Variants in MAML2 observed in about 807,000 individuals in gnomAD.
MAML2 encodes mastermind like transcriptional coactivator 2.
MAML2 carries 22 observed loss-of-function variants against 96.1 expected under a neutral mutation model. The ratio of observed to expected loss-of-function variants is 0.23; its 90% CI spans 0.16 to 0.33. The LOEUF (loss-of-function observed/expected upper bound fraction) is 0.33, where lower values mean the gene tolerates loss of function less well. Ranked by LOEUF, MAML2 falls within the 10% of genes least tolerant of loss-of-function variation. The pLI, the probability that MAML2 is intolerant of heterozygous loss-of-function variation, is 1.00. For synonymous variants in MAML2, 561 were observed against 521.3 expected, an observed-to-expected ratio of 1.08 and a Z score of -1.04; for missense variants, 1,367 against 1,392.4, an observed-to-expected ratio of 0.98 and a Z score of 0.29.
intron 1 of MAML2, among the ~76,000 whole-genome samples, chr11:96,274,752 T>C (rs1260370082): frequency 6.6e-6 from 1 of 152,174 alleles, no homozygotes; most frequent in Non-Finnish European, 1.5e-5. Flanking sequence ...CTCTTTTATA[T>C]CTGGATTAGA....
chr11:96,057,273 G>T (rs904241518), intron 2 of MAML2, among the ~76,000 whole-genome samples: 1 of 152,052 alleles, frequency 6.6e-6, no homozygotes, highest in Non-Finnish European at 1.5e-5. Context: ...AAGCCATTTC[G>T]TTCCTGATTT....
intron 1 of MAML2, among the ~76,000 whole-genome samples, chr11:96,198,912 T>G (rs1387556450): frequency 6.6e-6 from 1 of 151,960 alleles, no homozygotes; most frequent in East Asian, 1.9e-4. Context: ...AGAGGGGTAG[T>G]CCTGGCTGGG....
intron 1 of MAML2, among the ~76,000 whole-genome samples, chr11:96,300,983 G>C (rs915039560): frequency 2.0e-5 from 3 of 152,188 alleles, no homozygotes; most frequent in African/African-American, 7.2e-5. Context: ...AGACAATTTT[G>C]AGGATGAAAT....
At chr11:96,190,349 G>A (rs1319250010) in intron 1 of MAML2, among the ~76,000 whole-genome samples, 1 of 152,222 alleles carries the variant, frequency 6.6e-6, no homozygotes, top group Non-Finnish European at 1.5e-5. Context: ...GAAGGTTAAT[G>A]AGGGGAAGAA....
At chr11:96,259,425 C>G (rs1024459189) in intron 1 of MAML2, among the ~76,000 whole-genome samples, 1 of 152,186 alleles carries the variant, frequency 6.6e-6, no homozygotes, top group East Asian at 1.9e-4. Flanking sequence ...ATCTCAATAA[C>G]CCTTTAAAGT....
In MAML2 at chr11:96,038,155, G is replaced by A. The variant is rs532012730; in HGVS notation, c.2140-46432C>T. On this transcript the variant is annotated intron_variant, in intron 2 of 4. Transcript: ENST00000524717. ...ATGCTCCACCAAATTGAATTCTATG[G>A]AATTTTACTGTCTTGTGCATTAGTA... 1.1e-4 allele frequency among the ~76,000 whole-genome samples: 17 copies of A among 152,268 alleles called. 1 individual carries two copies. The South Asian group carries it at 3.3e-3, about 30-fold the overall frequency.
chr11:96,230,005 GT>G (rs1481689331), intron 1 of MAML2, among the ~76,000 whole-genome samples: 2 of 152,152 alleles, frequency 1.3e-5, no homozygotes, highest in Non-Finnish European at 2.9e-5. Context: ...CAGTTGTTAA[GT>G]TTTCAGAATT....
intron 1 of MAML2, among the ~76,000 whole-genome samples, chr11:96,106,660 T>A (rs996649252): frequency 3.3e-5 from 5 of 152,162 alleles, no homozygotes; most frequent in African/African-American, 1.2e-4. Context: ...ACTCAGTGAG[T>A]CCCTAATCCT....
chr11:96,177,241 G>A (rs1861400829), intron 1 of MAML2, among the ~76,000 whole-genome samples: 1 of 152,092 alleles, frequency 6.6e-6, no homozygotes, highest in Admixed American at 6.6e-5. Flanking sequence ...GGCCCTTTGA[G>A]GATTATGAAT....
chr11:96,208,596 A>G (rs1436184890), intron 1 of MAML2, among the ~76,000 whole-genome samples: 2 of 152,238 alleles, frequency 1.3e-5, no homozygotes, highest in African/African-American at 2.4e-5. Context: ...ATATTAAATG[A>G]GATGAATTTT....
At chr11:96,034,438 A>T (rs1288465403) in intron 2 of MAML2, among the ~76,000 whole-genome samples, 75 of 125,986 alleles carry the variant, frequency 6.0e-4, no homozygotes, top group African/African-American at 2.1e-3. Flanking sequence ...TGTGTGAGAG[A>T]GAGAGAGAGA....
chr11:96,033,619 G>A (rs1858653017), intron 2 of MAML2, among the ~76,000 whole-genome samples: 1 of 152,172 alleles, frequency 6.6e-6, no homozygotes, highest in Non-Finnish European at 1.5e-5. Context: ...GATTAATTTT[G>A]TTTTGGATGG....
chr11:96,203,915 C>T (rs766650262), intron 1 of MAML2, among the ~76,000 whole-genome samples: 5 of 152,150 alleles, frequency 3.3e-5, no homozygotes, highest in African/African-American at 1.2e-4. Context: ...TTAGTGAGTG[C>T]TCTCACAGGA....
intron 2 of MAML2, among the ~76,000 whole-genome samples, chr11:96,015,591 G>GC (rs33930255): frequency 3.9e-5 from 5 of 129,348 alleles, no homozygotes; most frequent in African/African-American, 1.4e-4. Flanking sequence ...AAAAGGGGGG[G>GC]GGGGCAATTC....
At chr11:96,305,311 A>G (rs1293077986) in intron 1 of MAML2, among the ~76,000 whole-genome samples, 1 of 152,196 alleles carries the variant, frequency 6.6e-6, no homozygotes, top group Non-Finnish European at 1.5e-5. Context: ...AGCCCACAGA[A>G]TACAACACCA....
chr11:96,188,909 T>G, intron 1 of MAML2, among the ~76,000 whole-genome samples: 1 of 149,606 alleles, frequency 6.7e-6, no homozygotes, highest in African/African-American at 2.5e-5. Flanking sequence ...TGTTCAACAT[T>G]AAAAAAAAAA....
At chr11:96,259,311 G>T (rs1862714853) in intron 1 of MAML2, among the ~76,000 whole-genome samples, 2 of 152,102 alleles carry the variant, frequency 1.3e-5, no homozygotes, top group Admixed American at 6.5e-5. Flanking sequence ...AACAGACCAA[G>T]ATTTATTTTT....
At chr11:96,016,219 G>T (rs1405477152) in intron 2 of MAML2, among the ~76,000 whole-genome samples, 5 of 119,464 alleles carry the variant, frequency 4.2e-5, no homozygotes, top group Non-Finnish European at 8.0e-5. Flanking sequence ...ATCTGGAACT[G>T]CTTTCTGACT....
chr11:95,993,176 C>T (rs1235977511), intron 2 of MAML2, among the ~76,000 whole-genome samples: 9 of 149,322 alleles, frequency 6.0e-5, no homozygotes, highest in Admixed American at 4.0e-4. Flanking sequence ...TCCCACAGTG[C>T]TGGTATTACA....
Sources: allele counts gnomAD v4.1 joint callset (sites outside exome capture counted in the v4.1 genomes callset), GRCh38; gene constraint gnomAD v4.1.1; transcripts MANE v1.5; gene names NCBI Gene and HGNC (gene_info 2026-07-23, HGNC 2026-07-21).